FRMD4B: variants seen among roughly 807,000 people sequenced by gnomAD.
FRMD4B encodes FERM domain-containing protein 4B.
In FRMD4B, 74 loss-of-function variants were observed where a neutral mutation model predicts 141.5. The ratio of observed to expected loss-of-function variants is 0.52; its 90% CI spans 0.43 to 0.63. FRMD4B has a LOEUF of 0.63. Among genes scored for constraint, FRMD4B ranks in the 30% least tolerant of loss-of-function variants. FRMD4B has a pLI of 0.00. For missense variants in FRMD4B, 1,366 were observed against 1,253.4 expected (o/e 1.09, Z -1.36); for synonymous variants, 506 against 467.9 (o/e 1.08, Z -1.05).
At chr3:69,361,395 T>C (rs1703466346) in intron 1 of FRMD4B, among the ~76,000 whole-genome samples, 1 of 152,160 alleles carries the variant, frequency 6.6e-6, no homozygotes, top group Non-Finnish European at 1.5e-5. Context: ...ATTTAGAAAA[T>C]TACACTATAA....
chr3:69,510,377 G>C (rs1706669431), intron 1 of FRMD4B, among the ~76,000 whole-genome samples: 1 of 152,150 alleles, frequency 6.6e-6, no homozygotes, highest in Admixed American at 6.6e-5. Context: ...TTATGGTGAT[G>C]ATTCATAGAC....
intron 5 of FRMD4B, among the ~76,000 whole-genome samples, chr3:69,275,988 T>G (rs1229723975): frequency 6.6e-6 from 1 of 152,144 alleles, no homozygotes; most frequent in Non-Finnish European, 1.5e-5. Flanking sequence ...TAATACTATA[T>G]TGACTGTTCT....
intron 1 of FRMD4B, among the ~76,000 whole-genome samples, chr3:69,330,616 A>G (rs1290768347): frequency 2.0e-5 from 3 of 151,036 alleles, no homozygotes; most frequent in African/African-American, 7.3e-5. Context: ...AAGTTCTGGG[A>G]TTACAGACGT....
At chr3:69,429,343 TA>T (rs1443547774) in intron 2 of FRMD4B, among the ~76,000 whole-genome samples, 2 of 152,246 alleles carry the variant, frequency 1.3e-5, no homozygotes, top group Non-Finnish European at 2.9e-5. Context: ...AGTTAACTTC[TA>T]AAAATATTGC....
chr3:69,226,923 A>T lies in FRMD4B; in HGVS notation c.582-2233T>A, dbSNP rs531471289. On this transcript the variant is annotated intron_variant, in intron 7 of 22. Transcript: ENST00000398540. Reference sequence around the variant, plus strand: ...TGTTGTCCTTAGTCCTATGTCCCTCAAAGCACAAGTATCTCACGACACTGA... The same window carrying T: ...TGTTGTCCTTAGTCCTATGTCCCTCTAAGCACAAGTATCTCACGACACTGA... 1.7e-4 allele frequency among the ~76,000 whole-genome samples: 26 copies of T among 152,308 alleles called. No homozygotes were observed. The South Asian group carries it at 2.3e-3, about 13-fold the overall frequency.
At chr3:69,353,467 T>C in intron 1 of FRMD4B, 1 of 547,178 alleles carries the variant, frequency 1.8e-6, no homozygotes, top group Non-Finnish European at 2.3e-6. Context: ...GATTTTGCTA[T>C]GAAATGCCAG....
At chr3:69,393,513 G>A (rs1014713318) in intron 2 of FRMD4B, among the ~76,000 whole-genome samples, 9 of 152,066 alleles carry the variant, frequency 5.9e-5, no homozygotes, top group Non-Finnish European at 1.3e-4. Context: ...AGGGGGAAAG[G>A]GCTTGCCACC....
intron 1 of FRMD4B, among the ~76,000 whole-genome samples, chr3:69,317,484 C>T (rs1001065566): frequency 2.0e-5 from 3 of 151,920 alleles, no homozygotes; most frequent in Admixed American, 6.6e-5. Flanking sequence ...CAGTGGCTAG[C>T]GCCTGTAATC....
At chr3:69,267,980 AC>A (rs1278269606) in intron 5 of FRMD4B, among the ~76,000 whole-genome samples, 2 of 151,802 alleles carry the variant, frequency 1.3e-5, no homozygotes, top group South Asian at 2.1e-4. Flanking sequence ...AAAAAACTAA[AC>A]CTTTTGATGA....
intron 1 of FRMD4B, among the ~76,000 whole-genome samples, chr3:69,316,060 C>A (rs892489455): frequency 2.6e-5 from 4 of 152,158 alleles, no homozygotes; most frequent in Non-Finnish European, 5.9e-5. Flanking sequence ...GGATAAGTAA[C>A]CTGTTTTCAA....
intron 16 of FRMD4B, 124 bp downstream of exon 16, chr3:69,194,898 G>T (rs144295171): frequency 1.3e-6 from 1 of 796,048 alleles, no homozygotes; most frequent in Non-Finnish European, 1.9e-6. Context: ...TGGTCTACAC[G>T]ATCCATCTGT....
intron 1 of FRMD4B, chr3:69,536,842 G>A (rs1248689238): frequency 5.6e-6 from 2 of 354,316 alleles, no homozygotes; most frequent in Admixed American, 4.4e-5. Flanking sequence ...AACCTCCTGG[G>A]CTCAAGTGAT....
rs116018558 is a variant in FRMD4B, at chr3:69,275,572, T to C, written c.501+12180A>G. Among the ~76,000 whole-genome samples the C allele has an allele frequency of 8.0e-3, 1,210 of 152,026 alleles. 24 individuals are homozygous for C. Among genetic ancestry groups the C allele is most frequent in the African/African-American group, 0.028 (1,168 of 41,460 alleles). Reference sequence around the variant, plus strand: ...CTCCTGCCTTGCCATTCCAAGTAGCTAGGACCACAGGCATGTACCCAGCTA... The same window carrying C: ...CTCCTGCCTTGCCATTCCAAGTAGCCAGGACCACAGGCATGTACCCAGCTA... On this transcript the variant is annotated intron_variant, in intron 5 of 22. Transcript: ENST00000398540.
chr3:69,317,754 CAAAAAAAAAAAAAA>C (rs765280161), intron 1 of FRMD4B, among the ~76,000 whole-genome samples: 1 of 52,610 alleles, frequency 1.9e-5, no homozygotes, highest in East Asian at 7.2e-4. Flanking sequence ...GACACCAACT[CAAAAAAAAAAAAAA>C]AAAAAAAAAA....
intron 1 of FRMD4B, among the ~76,000 whole-genome samples, chr3:69,347,354 G>C (rs1202539043): frequency 1.2e-4 from 19 of 152,170 alleles, no homozygotes; most frequent in Admixed American, 1.1e-3. Context: ...GACCTAGAAA[G>C]AGACTTAGAC....
chr3:69,365,514 CT>C (rs933950104), intron 1 of FRMD4B, among the ~76,000 whole-genome samples: 2 of 150,782 alleles, frequency 1.3e-5, no homozygotes, highest in East Asian at 1.9e-4. Context: ...TGTTTTTTTT[CT>C]TTTTTTTGAG....
chr3:69,539,590 C>A (rs1201410483), intron 1 of FRMD4B, among the ~76,000 whole-genome samples: 1 of 152,176 alleles, frequency 6.6e-6, no homozygotes, highest in Non-Finnish European at 1.5e-5. Flanking sequence ...AGAACTTTCC[C>A]ATGGATAATG....
At chr3:69,440,884 A>G (rs1222249150) in intron 1 of FRMD4B, among the ~76,000 whole-genome samples, 2 of 152,214 alleles carry the variant, frequency 1.3e-5, no homozygotes, top group Non-Finnish European at 2.9e-5. Context: ...AACTACAATG[A>G]ATTTGTAAAT....
At chr3:69,350,985 A>T (rs1703127541) in intron 1 of FRMD4B, among the ~76,000 whole-genome samples, 1 of 152,168 alleles carries the variant, frequency 6.6e-6, no homozygotes, top group Non-Finnish European at 1.5e-5. Flanking sequence ...TATAATAATA[A>T]TAAAAAAAGA....
Sources: allele counts gnomAD v4.1 joint callset (sites outside exome capture counted in the v4.1 genomes callset), GRCh38; gene constraint gnomAD v4.1.1; transcripts MANE v1.5; gene names NCBI Gene and HGNC (gene_info 2026-07-23, HGNC 2026-07-21).